IKZF3: variants seen among roughly 807,000 people sequenced by gnomAD.
The protein encoded by IKZF3 is zinc finger protein Aiolos.
A neutral mutation model predicts 49.0 loss-of-function variants in IKZF3; 10 were observed. The observed-to-expected ratio is 0.20, with a 90% CI of 0.13 to 0.35. IKZF3 has a LOEUF of 0.35. Among genes scored for constraint, IKZF3 ranks in the 10% least tolerant of loss-of-function variants. The pLI, the probability that IKZF3 is intolerant of heterozygous loss-of-function variation, is 1.00. For missense variants in IKZF3, 498 were observed against 664.8 expected, an observed-to-expected ratio of 0.75 and a Z score of 2.76; for synonymous variants, 209 against 228.2, an observed-to-expected ratio of 0.92 and a Z score of 0.76.
rs377461651 is a variant in IKZF3 at position 39,782,422 on chromosome 17, C to CA, written c.710-4656dup. Among the ~76,000 whole-genome samples the CA allele has an allele frequency of 2.8e-3, 432 of 152,226 alleles. 3 individuals are homozygous for CA. The highest frequency in any genetic ancestry group is 0.01 in the African/African-American group (423 of 41,532). On this transcript the variant is annotated intron_variant, in intron 6 of 7. Coordinates refer to ENST00000346872, the MANE Select transcript of IKZF3 (RefSeq NM_012481.5). ...AACAACAACAACAACAACACACACA[C>CA]ACACACACATATCACACATACACAA...
chr17:39,841,013 C>A (rs138629589), intron 1 of IKZF3, among the ~76,000 whole-genome samples: 2 of 151,878 alleles, frequency 1.3e-5, no homozygotes, highest in African/African-American at 4.8e-5. Flanking sequence ...CCCATCTCTA[C>A]GAAAAATACA....
chr17:39,860,667 C>T (rs1055865857), intron 1 of IKZF3, among the ~76,000 whole-genome samples: 1 of 152,196 alleles, frequency 6.6e-6, no homozygotes, highest in Non-Finnish European at 1.5e-5. Flanking sequence ...ACTGGGTACA[C>T]ATGGACTGTT....
At chr17:39,803,282 T>C (rs1284035937) in intron 3 of IKZF3, among the ~76,000 whole-genome samples, 2 of 152,178 alleles carry the variant, frequency 1.3e-5, no homozygotes, top group Non-Finnish European at 2.9e-5. Flanking sequence ...ACTTTTTCTA[T>C]TGATTATTTT....
chr17:39,857,316 A>G (rs955349095), intron 1 of IKZF3, among the ~76,000 whole-genome samples: 1 of 152,174 alleles, frequency 6.6e-6, no homozygotes, highest in Non-Finnish European at 1.5e-5. Context: ...AATTGTTCTG[A>G]TGTGCCAAAT....
intron 7 of IKZF3, among the ~76,000 whole-genome samples, chr17:39,767,411 A>T (rs893541945): frequency 6.6e-6 from 1 of 152,160 alleles, no homozygotes; most frequent in African/African-American, 2.4e-5. Flanking sequence ...TGGGGACTGC[A>T]GTGAGGGCAG....
chr17:39,770,006 G>A (rs549812551), intron 7 of IKZF3, among the ~76,000 whole-genome samples: 26 of 152,262 alleles, frequency 1.7e-4, no homozygotes, highest in South Asian at 8.3e-4. Flanking sequence ...AAGGAGATGG[G>A]GCAGCCTCAG....
In IKZF3 at chr17:39,850,303, C is replaced by G. The variant is rs992343841; in HGVS notation, c.7+13817G>C. 2.7e-4 allele frequency among the ~76,000 whole-genome samples: 37 copies of G among 134,776 alleles called. 1 individual carries two copies. Among genetic ancestry groups the G allele is most frequent in the East Asian group, 2.1e-3 (10 of 4,852 alleles). 88.4% of individuals were successfully genotyped at this position (134,776 alleles called of 152,430 possible). A position where few individuals can be genotyped will look rare whatever the true frequency, so the allele number is the denominator to read the frequency against. ...AATATATAGTATATACAATATATAG[C>G]ATATTATACATGTACATATAATATA... On this transcript the variant is annotated intron_variant, in intron 1 of 7. Coordinates refer to ENST00000346872, the MANE Select transcript of IKZF3 (RefSeq NM_012481.5).
intron 4 of IKZF3, 119 bp downstream of exon 4, chr17:39,792,554 C>T: frequency 2.0e-6 from 2 of 998,726 alleles, no homozygotes; most frequent in African/African-American, 1.6e-5. Context: ...GAGAGAGATA[C>T]ATCAGCATTA....
At chr17:39,805,549 G>A (rs2061414658) in intron 3 of IKZF3, among the ~76,000 whole-genome samples, 1 of 152,114 alleles carries the variant, frequency 6.6e-6, no homozygotes. Context: ...ATATTATTTA[G>A]ACTTTTACCC....
At chr17:39,812,580 G>A (rs2061585053) in intron 3 of IKZF3, among the ~76,000 whole-genome samples, 1 of 152,184 alleles carries the variant, frequency 6.6e-6, no homozygotes, top group South Asian at 2.1e-4. Flanking sequence ...ACACCACTGG[G>A]ACTCCTCATT....
chr17:39,792,630 A>T, intron 4 of IKZF3, 43 bp downstream of exon 4: 5 of 1,583,462 alleles, frequency 3.2e-6, no homozygotes, highest in Non-Finnish European at 4.3e-6. Context: ...ACGTGGCTGC[A>T]TTAGGAGAGT....
intron 3 of IKZF3, among the ~76,000 whole-genome samples, chr17:39,828,310 A>C (rs1170593740): frequency 1.3e-5 from 2 of 152,176 alleles, no homozygotes; most frequent in East Asian, 3.8e-4. Context: ...GTACCTGTGT[A>C]ACCCTATCCT....
intron 6 of IKZF3, among the ~76,000 whole-genome samples, chr17:39,778,694 G>A (rs983291740): frequency 6.6e-6 from 1 of 152,152 alleles, no homozygotes. Context: ...CCAGCTACTC[G>A]GGAGGCTGAG....
chr17:39,821,993 T>C (rs374560345), intron 3 of IKZF3, among the ~76,000 whole-genome samples: 13 of 152,300 alleles, frequency 8.5e-5, no homozygotes, highest in Admixed American at 3.3e-4. Context: ...CAGCTCACTA[T>C]GGAACAATCA....
At chr17:39,861,571 C>T (rs1043200650) in intron 1 of IKZF3, among the ~76,000 whole-genome samples, 11 of 152,146 alleles carry the variant, frequency 7.2e-5, no homozygotes, top group African/African-American at 2.4e-4. Flanking sequence ...CGCATTTCAT[C>T]CTCCATACGC....
intron 3 of IKZF3, among the ~76,000 whole-genome samples, chr17:39,802,181 C>T (rs1483511517): frequency 1.4e-5 from 2 of 142,000 alleles, no homozygotes; most frequent in African/African-American, 5.4e-5. Context: ...AAGATCGCAC[C>T]ACTGCACTCC....
At chr17:39,858,460 G>A (rs1415567961) in intron 1 of IKZF3, among the ~76,000 whole-genome samples, 1 of 152,136 alleles carries the variant, frequency 6.6e-6, no homozygotes, top group Non-Finnish European at 1.5e-5. Flanking sequence ...CTGACAATAA[G>A]TAAAGAGTAA....
At chr17:39,822,906 G>C (rs1012119320) in intron 3 of IKZF3, among the ~76,000 whole-genome samples, 1 of 152,118 alleles carries the variant, frequency 6.6e-6, no homozygotes, top group African/African-American at 2.4e-5. Context: ...AGCAGTGTGA[G>C]AGTGGACTAA....
chr17:39,830,893 G>A (rs1489461184), intron 2 of IKZF3, among the ~76,000 whole-genome samples: 1 of 152,130 alleles, frequency 6.6e-6, no homozygotes, highest in East Asian at 1.9e-4. Flanking sequence ...ATCACTAAGA[G>A]CCCCTGAAAA....
Sources: gnomAD v4.1 joint callset for allele counts (sites outside exome capture counted in the v4.1 genomes callset) on GRCh38, gnomAD v4.1.1 for gene constraint, MANE v1.5 for transcripts, NCBI Gene and HGNC (gene_info 2026-07-23, HGNC 2026-07-21) for gene names.